FNDC1: variants seen among roughly 807,000 people sequenced by gnomAD.
FNDC1 encodes the protein fibronectin type III domain-containing protein 1.
A neutral mutation model predicts 168.0 loss-of-function variants in FNDC1; 96 were observed. The ratio of observed to expected loss-of-function variants is 0.57; its 90% CI spans 0.48 to 0.68. The LOEUF (loss-of-function observed/expected upper bound fraction) is 0.68. Among genes scored for constraint, FNDC1 ranks in the 30% least tolerant of loss-of-function variants. The probability of loss-of-function intolerance (pLI) is 0.00; values close to 1 mark genes in which losing one functional copy is unlikely to be tolerated. For synonymous variants in FNDC1, 1,099 were observed against 1,025.9 expected, an observed-to-expected ratio of 1.07 and a Z score of -1.36; for missense variants, 2,587 against 2,482.1, an observed-to-expected ratio of 1.04 and a Z score of -0.90.
intron 12 of FNDC1, 60 bp from the exon 13 acceptor site, chr6:159,238,494 G>A: frequency 1.7e-6 from 2 of 1,167,272 alleles, no homozygotes; most frequent in South Asian, 2.8e-5. Context: ...ATATATAATT[G>A]GACTAATGTG....
chr6:159,271,119 G>T (rs1454502872), intron 22 of FNDC1, among the ~76,000 whole-genome samples: 3 of 152,188 alleles, frequency 2.0e-5, no homozygotes, highest in African/African-American at 7.2e-5. Context: ...CCCACCCCAG[G>T]CTGGGGTTGG....
chr6:159,182,568 C>T (rs1372944084), intron 1 of FNDC1, among the ~76,000 whole-genome samples: 1 of 152,218 alleles, frequency 6.6e-6, no homozygotes, highest in Non-Finnish European at 1.5e-5. Context: ...TAGTGGCACT[C>T]AGCTGATAGT....
chr6:159,200,123 T>C (rs1351393864), intron 3 of FNDC1, 41 bp downstream of exon 3: 2 of 1,417,734 alleles, frequency 1.4e-6, no homozygotes, highest in Admixed American at 1.9e-5. Flanking sequence ...TGTTGTTACT[T>C]AGATTGGGAG....
At chr6:159,238,213 T>C (rs1455580560) in intron 12 of FNDC1, among the ~76,000 whole-genome samples, 3 of 151,854 alleles carry the variant, frequency 2.0e-5, no homozygotes, top group African/African-American at 7.3e-5. Context: ...TTCTCCTGCC[T>C]CAGCCTCCTG....
chr6:159,238,723 G>A (rs1161554419), intron 13 of FNDC1, 58 bp downstream of exon 13: 1 of 1,127,352 alleles, frequency 8.9e-7, no homozygotes, highest in African/African-American at 1.6e-5. Flanking sequence ...TAGAATTACA[G>A]CTTCTATCTT....
chr6:159,172,136 GAGTGTATGTCTTTTTAAT>G (rs1036791477), intron 1 of FNDC1, among the ~76,000 whole-genome samples: 3 of 152,170 alleles, frequency 2.0e-5, no homozygotes, highest in African/African-American at 7.2e-5. Context: ...TTGTATCTTT[GAGTGTATGTCTTTTTAAT>G]AGTGTAAATA....
At chr6:159,264,364 C>T (rs1777550709) in intron 19 of FNDC1, among the ~76,000 whole-genome samples, 1 of 152,222 alleles carries the variant, frequency 6.6e-6, no homozygotes, top group African/African-American at 2.4e-5. Context: ...TGGCTTCTCT[C>T]ACCTAGCATA....
At chr6:159,187,164 G>A (rs1185151995) in intron 1 of FNDC1, among the ~76,000 whole-genome samples, 1 of 152,178 alleles carries the variant, frequency 6.6e-6, no homozygotes, top group Non-Finnish European at 1.5e-5. Flanking sequence ...CCCTCCCCAG[G>A]TGAACATAAC....
intron 5 of FNDC1, among the ~76,000 whole-genome samples, chr6:159,221,217 T>C (rs114384169): frequency 0.014 from 2,129 of 152,324 alleles, 45 homozygotes; most frequent in African/African-American, 0.049. Context: ...CTCTTCTCAA[T>C]TTTGGAAGTA....
intron 1 of FNDC1, among the ~76,000 whole-genome samples, chr6:159,177,675 C>T (rs377661105): frequency 5.3e-5 from 8 of 152,136 alleles, no homozygotes; most frequent in African/African-American, 1.4e-4. Context: ...ATCACATATA[C>T]AATAAAATCC....
chr6:159,179,179 C>T (rs1373089950), intron 1 of FNDC1, among the ~76,000 whole-genome samples: 2 of 152,222 alleles, frequency 1.3e-5, no homozygotes, highest in Non-Finnish European at 1.5e-5. Context: ...GGGTTGATAG[C>T]TGGGTGCAGT....
intron 21 of FNDC1, 108 bp downstream of exon 21, chr6:159,266,353 C>T (rs557455524): frequency 1.5e-4 from 175 of 1,155,398 alleles, no homozygotes; most frequent in Middle Eastern, 1.3e-3. Flanking sequence ...GCTGGAGCTA[C>T]GACTATGGCT....
intron 4 of FNDC1, among the ~76,000 whole-genome samples, chr6:159,206,427 A>G (rs1265463421): frequency 6.6e-6 from 1 of 152,192 alleles, no homozygotes; most frequent in Non-Finnish European, 1.5e-5. Context: ...GGGTGCTTTG[A>G]TTTACTCATC....
Position 159,272,023 on chromosome 6 carries a change from A to G in FNDC1, c.*581A>G, listed in dbSNP as rs1281480949. 4 of 153,054 alleles carry G rather than the reference A, an allele frequency of 2.6e-5. No homozygotes were observed. The highest frequency in any genetic ancestry group is 2.6e-4 in the Admixed American group (4 of 15,428). The allele number at this position is 153,054 out of a possible 1,614,324, so 9.5% of individuals were successfully genotyped here. ...TTATTTGTAAATTCTCAATTTTGAT[A>G]TATATATGTATATATGCATATACAT... is the stretch of plus-strand genomic sequence containing the variant. On this transcript the variant is annotated 3_prime_UTR_variant, in exon 23 of 23. Transcript: ENST00000297267.
intron 15 of FNDC1, 83 bp downstream of exon 15, chr6:159,247,052 T>C: frequency 2.8e-6 from 3 of 1,065,258 alleles, no homozygotes; most frequent in Non-Finnish European, 4.4e-6. Context: ...GTGGATGATC[T>C]TGATGGAAGT....
In FNDC1 at chr6:159,236,206, A is replaced by T; in HGVS notation, c.3968-9A>T. 6.3e-7 allele frequency: 1 copy of T among 1,599,294 alleles called. No individual in the cohort carries two copies. Among genetic ancestry groups the T allele is most frequent in the Non-Finnish European group, 8.6e-7 (1 of 1,168,344 alleles). ...AGGCTCTGTTATTTTTATTTTTGGTACTGTGTAGGTTATAATGGCAGACCA... is the reference window on the plus strand; with the variant it reads ...AGGCTCTGTTATTTTTATTTTTGGTTCTGTGTAGGTTATAATGGCAGACCA... On this transcript the variant is annotated splice_polypyrimidine_tract_variant and intron_variant, in intron 11 of 22. Transcript: ENST00000297267.
chr6:159,210,345 G>A lies in FNDC1; in HGVS notation c.461-4600G>A, dbSNP rs957616917. Among the ~76,000 whole-genome samples the A allele has an allele frequency of 1.1e-4, 17 of 152,298 alleles. 1 individual carries two copies. The highest frequency in any genetic ancestry group is 7.2e-4 in the Admixed American group (11 of 15,306). On this transcript the variant is annotated intron_variant, in intron 4 of 22. Transcript: ENST00000297267. ...CGAATTCTGGCTTCGGCTTCCTGCT[G>A]TCTGGTTTTGAGATGTTCCCTTAGC...
In FNDC1 at chr6:159,212,261, A is replaced by C. The variant is rs189097658; in HGVS notation, c.461-2684A>C. Reference sequence around the variant, plus strand: ...AGTACATTCAGCGCTGGTGGATGCAAGCTCCATTACCCTTGGCAGTTGTGA... The same window carrying C: ...AGTACATTCAGCGCTGGTGGATGCACGCTCCATTACCCTTGGCAGTTGTGA... On this transcript the variant is annotated intron_variant, in intron 4 of 22. Coordinates refer to ENST00000297267, the MANE Select transcript of FNDC1 (RefSeq NM_032532.3). Among the ~76,000 whole-genome samples the C allele has an allele frequency of 5.0e-4, 76 of 152,342 alleles. 1 individual carries two copies. Among genetic ancestry groups the C allele is most frequent in the African/African-American group, 1.7e-3 (70 of 41,584 alleles).
chr6:159,211,693 G>T (rs1408052184), intron 4 of FNDC1, among the ~76,000 whole-genome samples: 3 of 152,078 alleles, frequency 2.0e-5, no homozygotes, highest in African/African-American at 7.2e-5. Context: ...TTTCATTTTT[G>T]TCAGGCCCAC....
Sources: allele counts gnomAD v4.1 joint callset (sites outside exome capture counted in the v4.1 genomes callset), GRCh38; gene constraint gnomAD v4.1.1; transcripts MANE v1.5; gene names NCBI Gene and HGNC (gene_info 2026-07-23, HGNC 2026-07-21).